Variants in NRG1 observed in about 807,000 individuals in gnomAD.
The protein encoded by NRG1 is pro-neuregulin-1, membrane-bound isoform.
NRG1 carries 18 observed loss-of-function variants against 63.8 expected under a neutral mutation model. The ratio of observed to expected loss-of-function variants is 0.28; its 90% confidence interval spans 0.19 to 0.42. NRG1 has a LOEUF of 0.42. NRG1 is among the 10% of genes least tolerant of loss of function. The probability of loss-of-function intolerance (pLI) is 1.00; values close to 1 mark genes in which losing one functional copy is unlikely to be tolerated. For synonymous variants in NRG1, 302 were observed against 301.3 expected, an observed-to-expected ratio of 1.00 and a Z score of -0.02; for missense variants, 762 against 814.7, an observed-to-expected ratio of 0.94 and a Z score of 0.79.
chr8:32,075,651 CTTTTTTTTTTT>C (rs200354474), intron 1 of NRG1, among the ~76,000 whole-genome samples: 1 of 150,296 alleles, frequency 6.7e-6, no homozygotes, highest in African/African-American at 2.5e-5. Flanking sequence ...ATATTTTAAC[CTTTTTTTTTTT>C]TTTTTTTTTT....
chr8:32,091,043 G>C (rs534646598), intron 1 of NRG1, among the ~76,000 whole-genome samples: 1 of 152,192 alleles, frequency 6.6e-6, no homozygotes, highest in Non-Finnish European at 1.5e-5. Context: ...ACTCTGGGAG[G>C]CCGAGGTGGG....
chr8:32,423,836 TTATC>T (rs1328418555), intron 1 of NRG1, among the ~76,000 whole-genome samples: 1 of 152,176 alleles, frequency 6.6e-6, no homozygotes, highest in Non-Finnish European at 1.5e-5. Context: ...AGTTTCAAGA[TTATC>T]TACTCTAAGT....
chr8:32,536,688 C>T (rs1385058443), intron 1 of NRG1, among the ~76,000 whole-genome samples: 2 of 151,608 alleles, frequency 1.3e-5, no homozygotes, highest in South Asian at 2.1e-4. Context: ...TTTGGGAGGC[C>T]GAGGCAGGTG....
At chr8:31,842,967 T>C (rs915310157) in intron 1 of NRG1, among the ~76,000 whole-genome samples, 2 of 152,138 alleles carry the variant, frequency 1.3e-5, no homozygotes, top group African/African-American at 4.8e-5. Flanking sequence ...GGCTTGAAGA[T>C]AGAAAATTGT....
intron 5 of NRG1, among the ~76,000 whole-genome samples, chr8:32,618,809 A>T (rs1847827784): frequency 6.6e-6 from 1 of 152,186 alleles, no homozygotes; most frequent in Admixed American, 6.5e-5. Flanking sequence ...GGGAGGGGAT[A>T]AGGAGAGTTG....
At chr8:31,941,235 G>A (rs1002777738) in intron 1 of NRG1, among the ~76,000 whole-genome samples, 1 of 152,070 alleles carries the variant, frequency 6.6e-6, no homozygotes, top group Non-Finnish European at 1.5e-5. Context: ...ATGCAGGGAT[G>A]GTTTAACATA....
chr8:31,825,061 A>T (rs1824405608), intron 1 of NRG1, among the ~76,000 whole-genome samples: 1 of 152,246 alleles, frequency 6.6e-6, no homozygotes, highest in African/African-American at 2.4e-5. Flanking sequence ...CAGGGCACAA[A>T]CTATTAATTA....
intron 1 of NRG1, among the ~76,000 whole-genome samples, chr8:32,041,811 AG>A (rs1161402861): frequency 6.6e-6 from 1 of 152,232 alleles, no homozygotes; most frequent in African/African-American, 2.4e-5. Context: ...AAAAAGTACC[AG>A]GGAAATGGCA....
At chr8:32,749,760 A>G (rs1298358918) in intron 7 of NRG1, 1 of 662,054 alleles carries the variant, frequency 1.5e-6, no homozygotes, top group East Asian at 2.7e-5. Context: ...GTTTACTGAA[A>G]TGTTACTGAG....
At position 31,823,195 on chromosome 8, in the gene NRG1, A is replaced by G. The variant is rs1419009823; in HGVS notation, c.37+183764A>G. 3.4e-5 allele frequency among the ~76,000 whole-genome samples: 5 copies of G among 146,194 alleles called. No homozygotes were observed. The East Asian group carries it at 1.0e-3, about 30-fold the overall frequency. On this transcript the variant is annotated intron_variant, in intron 1 of 10. Coordinates refer to the NRG1 transcript ENST00000519301. ...CTTCCTCCAAAACAATGTCAGCAGGACAAGGATGTATTGGCAGGGTATCTT... is the reference window on the plus strand; with the variant it reads ...CTTCCTCCAAAACAATGTCAGCAGGGCAAGGATGTATTGGCAGGGTATCTT...
At chr8:31,810,700 T>G (rs1384456054) in intron 1 of NRG1, among the ~76,000 whole-genome samples, 2 of 152,206 alleles carry the variant, frequency 1.3e-5, no homozygotes, top group Non-Finnish European at 2.9e-5. Flanking sequence ...CCCTGCCCTT[T>G]TTCTTAATAA....
chr8:32,655,663 AT>A (rs963567402), intron 5 of NRG1, among the ~76,000 whole-genome samples: 4 of 152,176 alleles, frequency 2.6e-5, no homozygotes, highest in East Asian at 3.9e-4. Flanking sequence ...TAAAAGGAGT[AT>A]TTTTTCCCTT....
In NRG1 at chr8:31,835,284, A is replaced by G. The variant is rs549905687; in HGVS notation, c.37+195853A>G. On this transcript the variant is annotated intron_variant, in intron 1 of 10. Coordinates refer to the NRG1 transcript ENST00000519301. ...CTTGAACTCAGGGTTGCCTGCCTCT[A>G]AAGTCCTCCACTAATTCTCATTCAT... is the stretch of plus-strand genomic sequence containing the variant. Among the ~76,000 whole-genome samples, 120 of 152,354 alleles carry G rather than the reference A, an allele frequency of 7.9e-4. 1 individual carries two copies. The highest frequency in any genetic ancestry group is 1.4e-3 in the Non-Finnish European group (97 of 68,028).
At chr8:32,494,323 C>T (rs781343649) in intron 1 of NRG1, among the ~76,000 whole-genome samples, 24 of 152,174 alleles carry the variant, frequency 1.6e-4, no homozygotes, top group Non-Finnish European at 2.5e-4. Flanking sequence ...CATATTTCTT[C>T]CATATATCTA....
intron 1 of NRG1, among the ~76,000 whole-genome samples, chr8:32,128,852 A>T (rs1434077940): frequency 6.6e-6 from 1 of 151,934 alleles, no homozygotes; most frequent in East Asian, 1.9e-4. Flanking sequence ...TTCTGATAGG[A>T]TAAAAGTTCA....
At chr8:32,474,498 T>A (rs1391532545) in intron 1 of NRG1, among the ~76,000 whole-genome samples, 1 of 144,432 alleles carries the variant, frequency 6.9e-6, no homozygotes, top group Non-Finnish European at 1.5e-5. Flanking sequence ...ATATTCCCTT[T>A]TTTTTTTTTT....
intron 2 of NRG1, among the ~76,000 whole-genome samples, chr8:32,601,640 T>G (rs1374301772): frequency 6.6e-6 from 1 of 152,120 alleles, no homozygotes; most frequent in Non-Finnish European, 1.5e-5. Context: ...GGGACCTCTG[T>G]TTCTTTAACA....
chr8:31,895,536 G>A (rs1451788735), intron 1 of NRG1, among the ~76,000 whole-genome samples: 1 of 152,222 alleles, frequency 6.6e-6, no homozygotes, highest in African/African-American at 2.4e-5. Flanking sequence ...TCTCTTATCT[G>A]TGTCTAGGAT....
intron 1 of NRG1, among the ~76,000 whole-genome samples, chr8:32,349,559 G>A (rs1366708333): frequency 1.3e-5 from 2 of 152,148 alleles, no homozygotes; most frequent in Non-Finnish European, 2.9e-5. Context: ...TAGATAATGA[G>A]GGATGGAAGT....
Sources: allele counts gnomAD v4.1 joint callset (sites outside exome capture counted in the v4.1 genomes callset), GRCh38; gene constraint gnomAD v4.1.1; transcripts MANE v1.5; gene names NCBI Gene and HGNC (gene_info 2026-07-23, HGNC 2026-07-21).